NCF2: variants seen among roughly 807,000 people sequenced by gnomAD.
NCF2 encodes neutrophil cytosolic factor 2.
Under a neutral mutation model 70.9 loss-of-function variants are expected in NCF2, and 45 were observed. The ratio of observed to expected loss-of-function variants is 0.63; its 90% CI spans 0.50 to 0.81. The LOEUF (loss-of-function observed/expected upper bound fraction) is 0.81. Among genes scored for constraint, NCF2 ranks in the 40% least tolerant of loss-of-function variants. The pLI, the probability that NCF2 is intolerant of heterozygous loss-of-function variation, is 0.00. For synonymous variants in NCF2, 203 were observed against 233.6 expected, an observed-to-expected ratio of 0.87 and a Z score of 1.19; for missense variants, 522 against 631.6, an observed-to-expected ratio of 0.83 and a Z score of 1.86.
At chr1:183,564,213 G>C (rs1019748574) in intron 10 of NCF2, among the ~76,000 whole-genome samples, 183 bp from the exon 11 acceptor site, 1 of 152,138 alleles carries the variant, frequency 6.6e-6, no homozygotes, top group African/African-American at 2.4e-5. Flanking sequence ...GAAGCATGAA[G>C]GTCATGAACA....
At chr1:183,563,882 G>T in intron 11 of NCF2, 123 bp downstream of exon 11, 1 of 1,126,686 alleles carries the variant, frequency 8.9e-7, no homozygotes, top group Non-Finnish European at 1.4e-6. Flanking sequence ...ACTCTGTAAG[G>T]TAGCAACTGG....
chr1:183,584,191 A>G lies in NCF2; in HGVS notation c.257+2704T>C, dbSNP rs16861188. ...TCCTCAAGGTTCACATACGGACTTC[A>G]TATCTATAGCCCCTGAATTGTACAT... On this transcript the variant is annotated intron_variant, in intron 2 of 14. Transcript: ENST00000367535. Among the ~76,000 whole-genome samples, 177 of 152,330 alleles carry G rather than the reference A, an allele frequency of 1.2e-3. 1 individual carries two copies. The East Asian group carries it at 0.031, about 27-fold the overall frequency.
chr1:183,585,251 C>T (rs1673289070), intron 2 of NCF2, among the ~76,000 whole-genome samples: 1 of 152,170 alleles, frequency 6.6e-6, no homozygotes, highest in Admixed American at 6.5e-5. Flanking sequence ...ACATTGTCTA[C>T]AACCTCCCTG....
intron 12 of NCF2, 24 bp from the exon 13 acceptor site, chr1:183,563,330 A>G: frequency 6.2e-7 from 1 of 1,613,850 alleles, no homozygotes; most frequent in South Asian, 1.1e-5. Flanking sequence ...ATGAGTAAGA[A>G]TCCAGTCAAA....
the NCF2 span, among the ~76,000 whole-genome samples, chr1:183,601,689 C>T: frequency 6.6e-6 from 1 of 151,934 alleles, no homozygotes; most frequent in South Asian, 2.1e-4. Flanking sequence ...AACCCCGTCT[C>T]TACTAAAAAT....
At chr1:183,587,846 A>G (rs1673433051) in intron 1 of NCF2, among the ~76,000 whole-genome samples, 1 of 152,112 alleles carries the variant, frequency 6.6e-6, no homozygotes, top group Non-Finnish European at 1.5e-5. Context: ...TTTACCTGAT[A>G]CTAATAAAAA....
At chr1:183,595,875 C>T (rs1673755008), upstream of NCF2, among the ~76,000 whole-genome samples, 1 of 152,168 alleles carries the variant, frequency 6.6e-6, no homozygotes, top group Non-Finnish European at 1.5e-5. Flanking sequence ...AGGTCTCTCC[C>T]ACTCAAGGGG....
chr1:183,576,606 G>A (rs1435692164), intron 3 of NCF2, among the ~76,000 whole-genome samples: 1 of 152,204 alleles, frequency 6.6e-6, no homozygotes, highest in Non-Finnish European at 1.5e-5. Context: ...CTACAGCTGA[G>A]AAACCTTACT....
At chr1:183,584,202 C>T (rs1413120447) in intron 2 of NCF2, among the ~76,000 whole-genome samples, 1 of 152,118 alleles carries the variant, frequency 6.6e-6, no homozygotes, top group African/African-American at 2.4e-5. Flanking sequence ...TATCTATAGC[C>T]CCTGAATTGT....
At position 183,570,911 on chromosome 1, in the gene NCF2, T is replaced by C. The variant is rs900493957; in HGVS notation, c.610-72A>G. Reference sequence around the variant, plus strand: ...CATTCTTCTGGGTCTCCCTCTTTGCTCATGCCCTAGACCTGTTCTTACGTG... The same window carrying C: ...CATTCTTCTGGGTCTCCCTCTTTGCCCATGCCCTAGACCTGTTCTTACGTG... On this transcript the variant is annotated intron_variant, in intron 5 of 14. Transcript: ENST00000367535. 2.7e-6 allele frequency: 4 copies of C among 1,488,846 alleles called. No homozygotes were observed. The Admixed American group carries it at 5.1e-5, about 19-fold the overall frequency. The allele number at this position is 1,488,846 out of a possible 1,614,324, so 92.2% of individuals were successfully genotyped here.
the NCF2 span, among the ~76,000 whole-genome samples, chr1:183,598,508 G>A: frequency 6.6e-6 from 1 of 151,692 alleles, no homozygotes; most frequent in Non-Finnish European, 1.5e-5. Flanking sequence ...TGACCAAGGA[G>A]AAATCCAAAT....
chr1:183,558,248 A>T lies in NCF2; in HGVS notation c.1468+1848T>A, dbSNP rs552350205. Among the ~76,000 whole-genome samples, 888 of 150,790 alleles carry T rather than the reference A, an allele frequency of 5.9e-3. 3 individuals are homozygous for T. The highest frequency in any genetic ancestry group is 8.9e-3 in the Non-Finnish European group (603 of 67,560). On this transcript the variant is annotated intron_variant, in intron 14 of 14. Coordinates refer to ENST00000367535, the MANE Select transcript of NCF2 (RefSeq NM_000433.4). ...CTCTACCCCCATTAACTTTTTTTTT[A>T]ATTTTAATTTTTTTGTTTTTGTTTT...
At chr1:183,599,430 CTT>C in the NCF2 span, among the ~76,000 whole-genome samples, 9 of 85,558 alleles carry the variant, frequency 1.1e-4, no homozygotes, top group Non-Finnish European at 2.3e-4. Flanking sequence ...TTCCTTCTTT[CTT>C]TCTTTCTTTC....
At chr1:183,578,247 C>T (rs1315374482) in intron 2 of NCF2, among the ~76,000 whole-genome samples, 1 of 151,902 alleles carries the variant, frequency 6.6e-6, no homozygotes, top group Non-Finnish European at 1.5e-5. Context: ...CAACTTAGAG[C>T]TTGGTTTTGT....
intron 13 of NCF2, among the ~76,000 whole-genome samples, chr1:183,561,816 T>C (rs1051339484): frequency 8.9e-5 from 8 of 89,736 alleles, no homozygotes; most frequent in Non-Finnish European, 1.2e-4. Flanking sequence ...TTTTTTTTTT[T>C]TGAGGCAGAA....
chr1:183,576,925 G>C (rs1287567693), intron 3 of NCF2, among the ~76,000 whole-genome samples: 8 of 152,178 alleles, frequency 5.3e-5, no homozygotes. Context: ...GGGTGGGAAG[G>C]GCCAACCGGA....
At chr1:183,574,828 T>C (rs1242143194) in intron 3 of NCF2, among the ~76,000 whole-genome samples, 1 of 152,192 alleles carries the variant, frequency 6.6e-6, no homozygotes, top group African/African-American at 2.4e-5. Context: ...CACCATGGAA[T>C]GCGTAAATGC....
chr1:183,588,211 C>G (rs1486214456), intron 1 of NCF2, among the ~76,000 whole-genome samples: 1 of 152,152 alleles, frequency 6.6e-6, no homozygotes, highest in Non-Finnish European at 1.5e-5. Flanking sequence ...GATACAATTC[C>G]TATCCAACAC....
At chr1:183,566,111 T>C (rs569997541) in intron 9 of NCF2, among the ~76,000 whole-genome samples, 23 of 152,346 alleles carry the variant, frequency 1.5e-4, no homozygotes, top group African/African-American at 5.3e-4. Context: ...GCAGAGGGCA[T>C]TGAGAAAGGA....
Sources: gnomAD v4.1 joint callset for allele counts (sites outside exome capture counted in the v4.1 genomes callset) on GRCh38, gnomAD v4.1.1 for gene constraint, MANE v1.5 for transcripts, NCBI Gene and HGNC (gene_info 2026-07-23, HGNC 2026-07-21) for gene names.